Variants in NAALADL2 observed in about 807,000 individuals in gnomAD.
NAALADL2 encodes the protein inactive N-acetylated-alpha-linked acidic dipeptidase-like protein 2.
In NAALADL2, 76 loss-of-function variants were observed where a neutral mutation model predicts 87.2. The observed-to-expected ratio is 0.87, with a 90% CI of 0.72 to 1.05. The LOEUF (loss-of-function observed/expected upper bound fraction) is 1.05, where lower values mean the gene tolerates loss of function less well. Among genes scored for constraint, NAALADL2 ranks in the 50% least tolerant of loss-of-function variants. The pLI is 0.00. For synonymous variants in NAALADL2, 354 were observed against 331.0 expected (o/e 1.07, Z -0.75); for missense variants, 1,089 against 945.8 (o/e 1.15, Z -1.99).
At chr3:174,487,961 G>C (rs1279709115) in intron 1 of NAALADL2, among the ~76,000 whole-genome samples, 1 of 151,926 alleles carries the variant, frequency 6.6e-6, no homozygotes, top group Non-Finnish European at 1.5e-5. Context: ...GATTAGTTTG[G>C]AAGACATTAA....
rs189677724 is a variant in NAALADL2 at position 174,509,716 on chromosome 3, G to A, written c.-183-40853G>A. Among the ~76,000 whole-genome samples the A allele has an allele frequency of 3.0e-4, 45 of 151,010 alleles. No individual in the cohort carries two copies. The East Asian group carries it at 3.2e-3, about 11-fold the overall frequency. On this transcript the variant is annotated intron_variant, in intron 1 of 3. Transcript: ENST00000434257. Reference sequence around the variant, plus strand: ...GCTGGGATTACAGGCGTGAGCCACCGAGCACAGCTGTCTCTTCCTTTCTAA... The same window carrying A: ...GCTGGGATTACAGGCGTGAGCCACCAAGCACAGCTGTCTCTTCCTTTCTAA...
intron 4 of NAALADL2, among the ~76,000 whole-genome samples, chr3:175,309,084 T>C (rs1290974493): frequency 6.6e-6 from 1 of 152,198 alleles, no homozygotes; most frequent in Non-Finnish European, 1.5e-5. Flanking sequence ...AGAAATTACA[T>C]CTCTGTGAAA....
chr3:174,832,262 C>G (rs538026593), intron 3 of NAALADL2, among the ~76,000 whole-genome samples: 1,792 of 152,132 alleles, frequency 0.012, 37 homozygotes, highest in African/African-American at 0.041. Flanking sequence ...ATAAATTTCC[C>G]TCTACACACT....
chr3:175,042,322 T>A (rs533902525), intron 1 of NAALADL2, among the ~76,000 whole-genome samples: 4 of 152,142 alleles, frequency 2.6e-5, no homozygotes, highest in Non-Finnish European at 4.4e-5. Flanking sequence ...TATATACACC[T>A]CATTTTCTTT....
rs1232946939 is a variant in NAALADL2 at position 174,453,639 on chromosome 3, A to G, written c.-184+12607A>G. On this transcript the variant is annotated intron_variant, in intron 1 of 3. Coordinates refer to the NAALADL2 transcript ENST00000434257. ...ACATTCTTAAAATAAATTCCAACAA[A>G]GAATTTCATATCAGGTCCTACTAAG... 1.3e-5 allele frequency among the ~76,000 whole-genome samples: 2 copies of G among 152,238 alleles called. 1 individual carries two copies. Among genetic ancestry groups the G allele is most frequent in the East Asian group, 3.9e-4 (2 of 5,192 alleles).
intron 9 of NAALADL2, among the ~76,000 whole-genome samples, chr3:175,575,386 A>G (rs543305963): frequency 4.6e-4 from 70 of 152,090 alleles, no homozygotes; most frequent in African/African-American, 1.5e-3. Context: ...CTGGGTTCAA[A>G]CAAGTCTCCT....
chr3:175,131,536 C>A (rs1237566941), intron 2 of NAALADL2, among the ~76,000 whole-genome samples: 1 of 152,178 alleles, frequency 6.6e-6, no homozygotes, highest in Non-Finnish European at 1.5e-5. Flanking sequence ...TCTCCCATGT[C>A]TACCTCTTTC....
At chr3:174,565,225 A>T (rs759279655) in intron 2 of NAALADL2, among the ~76,000 whole-genome samples, 1 of 152,086 alleles carries the variant, frequency 6.6e-6, no homozygotes, top group Non-Finnish European at 1.5e-5. Flanking sequence ...TGTATTGTAC[A>T]TTCTATGGGT....
rs1760401320 is a variant in NAALADL2, at chr3:175,324,286, C to T, written c.1051C>T (p.Pro351Ser). The change falls in exon 5 of 14, where the codon CCA becomes TCA. Residue 351 changes from proline (P) to serine (S), a missense_variant. By Grantham distance (74) the Pro-to-Ser change is moderately conservative. Transcript: ENST00000454872. ...SHDTFMVSLN[P>S]GGDPSTPGYP... ...TGATACCTTCATGGTGTCACTGAAT[C>T]CAGGAGGAGACCCTTCTACGCCTGG... The T allele has an allele frequency of 3.7e-6, 6 of 1,613,340 alleles. No homozygotes were observed. The highest frequency in any genetic ancestry group is 1.7e-4 in the Middle Eastern group (1 of 6,056).
intron 3 of NAALADL2, among the ~76,000 whole-genome samples, chr3:175,237,561 T>A (rs191358104): frequency 6.6e-6 from 1 of 152,296 alleles, no homozygotes; most frequent in African/African-American, 2.4e-5. Flanking sequence ...GTTCGATATG[T>A]TCGGTAGCTG....
intron 3 of NAALADL2, among the ~76,000 whole-genome samples, chr3:174,787,177 G>C (rs1283863967): frequency 6.6e-6 from 1 of 151,970 alleles, no homozygotes; most frequent in African/African-American, 2.4e-5. Context: ...GTTAGAGTTA[G>C]ATTTGGATTC....
At position 175,360,810 on chromosome 3, in the gene NAALADL2, C is replaced by CTGTGTGTG. The variant is rs746890254; in HGVS notation, c.1090+36493_1090+36500dup. 1.9e-3 allele frequency among the ~76,000 whole-genome samples: 204 copies of CTGTGTGTG among 109,834 alleles called. 1 individual carries two copies. Among genetic ancestry groups the CTGTGTGTG allele is most frequent in the Non-Finnish European group, 1.3e-3 (73 of 54,828 alleles). 72.1% of individuals were successfully genotyped at this position (109,834 alleles called of 152,430 possible). ...TTTTTTATGGCTGAGTAATATTCCACTGTGTGTGTGTGTGTATGTGTGTGT... is the reference window on the plus strand; with the variant it reads ...TTTTTTATGGCTGAGTAATATTCCACTGTGTGTGTGTGTGTGTGTGTGTATGTGTGTGT... On this transcript the variant is annotated intron_variant, in intron 5 of 13. Transcript: ENST00000454872.
chr3:175,327,431 A>T lies in NAALADL2; in HGVS notation c.1090+3106A>T, dbSNP rs752031105. Among the ~76,000 whole-genome samples the T allele has an allele frequency of 1.2e-3, 177 of 152,326 alleles. 1 individual carries two copies. Among genetic ancestry groups the T allele is most frequent in the Non-Finnish European group, 8.1e-4 (55 of 68,036 alleles). ...CGGCCTCCCAAAGTGCTGGGATTAC[A>T]GGCGTGAGCCACCGCACCCTGCCTC... On this transcript the variant is annotated intron_variant, in intron 5 of 13. Transcript: ENST00000454872.
intron 9 of NAALADL2, among the ~76,000 whole-genome samples, chr3:175,573,827 G>A (rs1718455593): frequency 6.6e-6 from 1 of 152,112 alleles, no homozygotes; most frequent in Admixed American, 6.6e-5. Context: ...CTGGTGGGGG[G>A]TGGGGGTCAC....
chr3:175,063,673 G>A (rs1441649642), intron 1 of NAALADL2, among the ~76,000 whole-genome samples: 1 of 151,706 alleles, frequency 6.6e-6, no homozygotes, highest in African/African-American at 2.4e-5. Flanking sequence ...TTATAGAGAT[G>A]GATCTCCCTA....
chr3:174,488,598 C>A (rs1338836386), intron 1 of NAALADL2, among the ~76,000 whole-genome samples: 1 of 152,032 alleles, frequency 6.6e-6, no homozygotes, highest in Non-Finnish European at 1.5e-5. Flanking sequence ...GAAGACTTCT[C>A]AATTTCATAT....
In NAALADL2 at chr3:175,174,836, G is replaced by GCACACACACA. The variant is rs748466711; in HGVS notation, c.546-59089_546-59088insCACACACACA. ...GCTATATATGTATACACACACACATGCACACAGACACACACACACACACAC... is the reference window on the plus strand; with the variant it reads ...GCTATATATGTATACACACACACATGCACACACACACACACAGACACACACACACACACAC... On this transcript the variant is annotated intron_variant, in intron 2 of 13. Coordinates refer to ENST00000454872, the MANE Select transcript of NAALADL2 (RefSeq NM_207015.3). Among the ~76,000 whole-genome samples the GCACACACACA allele has an allele frequency of 7.5e-5, 6 of 80,530 alleles. No homozygotes were observed. The East Asian group carries it at 1.4e-3, about 19-fold the overall frequency. The allele number at this position is 80,530 out of a possible 152,430, so 52.8% of individuals were successfully genotyped here.
At chr3:175,713,023 T>A (rs1379206461) in intron 11 of NAALADL2, among the ~76,000 whole-genome samples, 1 of 152,106 alleles carries the variant, frequency 6.6e-6, no homozygotes, top group Admixed American at 6.6e-5. Flanking sequence ...CTAAATGCTG[T>A]AATAGTAGCT....
intron 2 of NAALADL2, among the ~76,000 whole-genome samples, chr3:174,627,621 T>C (rs925936803): frequency 1.3e-5 from 2 of 152,216 alleles, no homozygotes; most frequent in African/African-American, 2.4e-5. Flanking sequence ...ATCATTTTAT[T>C]AAAAGACACC....
Sources: gnomAD v4.1 joint callset for allele counts (sites outside exome capture counted in the v4.1 genomes callset) on GRCh38, gnomAD v4.1.1 for gene constraint, MANE v1.5 for transcripts, NCBI Gene and HGNC (gene_info 2026-07-23, HGNC 2026-07-21) for gene names.